BRINP3: variants seen among roughly 807,000 people sequenced by gnomAD.
The protein encoded by BRINP3 is BMP/retinoic acid-inducible neural-specific protein 3.
In BRINP3, 19 loss-of-function variants were observed where a neutral mutation model predicts 71.0. That is an observed-to-expected ratio of 0.27 (90% CI 0.19 to 0.39). The LOEUF (loss-of-function observed/expected upper bound fraction) is 0.39. Among genes scored for constraint, BRINP3 ranks in the 10% least tolerant of loss-of-function variants. The pLI is 1.00. For synonymous variants in BRINP3, 380 were observed against 337.7 expected, an observed-to-expected ratio of 1.13 and a Z score of -1.37; for missense variants, 959 against 940.8, an observed-to-expected ratio of 1.02 and a Z score of -0.25.
At chr1:190,237,938 A>G (rs890513291) in intron 4 of BRINP3, among the ~76,000 whole-genome samples, 4 of 152,052 alleles carry the variant, frequency 2.6e-5, no homozygotes, top group African/African-American at 9.7e-5. Context: ...CTGGACAACT[A>G]CAAAATGAAT....
At chr1:190,406,852 TA>T (rs1276543920) in intron 2 of BRINP3, among the ~76,000 whole-genome samples, 1 of 152,212 alleles carries the variant, frequency 6.6e-6, no homozygotes, top group African/African-American at 2.4e-5. Context: ...TCACTTCATT[TA>T]AAAGATTAAA....
At chr1:190,465,801 A>T (rs1180304090) in intron 1 of BRINP3, among the ~76,000 whole-genome samples, 2 of 151,826 alleles carry the variant, frequency 1.3e-5, no homozygotes, top group Non-Finnish European at 1.5e-5. Context: ...ATTATGAATA[A>T]TTTTTTTATT....
chr1:190,443,073 C>T (rs972956839), intron 2 of BRINP3, among the ~76,000 whole-genome samples: 3 of 151,224 alleles, frequency 2.0e-5, no homozygotes, highest in East Asian at 3.9e-4. Context: ...CCACTGCACC[C>T]GTCTACATTT....
rs146324186 is a variant in BRINP3 at position 190,280,179 on chromosome 1, G to A, written c.427+1381C>T. On this transcript the variant is annotated intron_variant, in intron 3 of 7. Coordinates refer to ENST00000367462, the MANE Select transcript of BRINP3 (RefSeq NM_199051.3). ...GGTTCACTGGGCACTATTGATGAAA[G>A]AGTAGTCAGGAAAAGGCCTCCCTGA... 5.4e-3 allele frequency among the ~76,000 whole-genome samples: 825 copies of A among 151,990 alleles called. 6 individuals carry two copies. Among genetic ancestry groups the A allele is most frequent in the African/African-American group, 0.018 (756 of 41,524 alleles).
chr1:190,436,296 G>A (rs1463945454), intron 2 of BRINP3, among the ~76,000 whole-genome samples: 1 of 151,858 alleles, frequency 6.6e-6, no homozygotes, highest in Non-Finnish European at 1.5e-5. Context: ...TTGTTGTTCT[G>A]TTCTGATTTT....
intron 2 of BRINP3, among the ~76,000 whole-genome samples, chr1:190,396,698 C>A (rs1052946693): frequency 1.0e-5 from 1 of 99,320 alleles, no homozygotes; most frequent in Non-Finnish European, 2.1e-5. Context: ...ACGCACTATG[C>A]ATTCCTAATT....
Position 190,097,805 on chromosome 1 carries a change from G to T in BRINP3, c.*213C>A. 2.0e-6 allele frequency: 1 copy of T among 510,972 alleles called. No individual in the cohort carries two copies. The allele number at this position is 510,972 out of a possible 1,614,324, so 31.7% of individuals were successfully genotyped here. ...AAAAAGTAGAATGTCTTCTAGACTG[G>T]TGTCAGTATTTATGTCATTCATAAA... is the stretch of plus-strand genomic sequence containing the variant. On this transcript the variant is annotated 3_prime_UTR_variant, in exon 8 of 8. Transcript: ENST00000367462.
intron 2 of BRINP3, among the ~76,000 whole-genome samples, chr1:190,444,347 G>A (rs1247615993): frequency 6.7e-6 from 1 of 149,594 alleles, no homozygotes; most frequent in Non-Finnish European, 1.5e-5. Context: ...GTGTACAAAG[G>A]CTGTTTCCCA....
rs769978151 is a variant in BRINP3, at chr1:190,160,759, G to C, written c.1093C>G (p.Leu365Val). 25 of 1,613,418 alleles carry C rather than the reference G, an allele frequency of 1.5e-5. No homozygotes were observed. The Admixed American group carries it at 4.2e-4, about 27-fold the overall frequency. The stretch of plus-strand genomic sequence containing the variant: ...ACAATTTTCTGCGCCTTTAGGAAAA[G>C]TTGTTTCATGCTGTTCTCCAGTTGT... ...YEQLENSMKQLFLKAQKIVHK... is the reference protein window; with the variant it reads ...YEQLENSMKQVFLKAQKIVHK... The change falls in exon 7 of 8, where the codon CTT (leucine) becomes GTT (valine). Residue 365 changes from leucine to valine, a missense_variant. By Grantham distance (32) the Leu-to-Val change is conservative (BLOSUM62 1). Transcript: ENST00000367462.
rs1294506536 is a variant in BRINP3 at position 190,098,858 on chromosome 1, G to A, written c.1461C>T (p.Gly487=). The A allele has an allele frequency of 6.2e-7, 1 of 1,614,216 alleles. No individual in the cohort carries two copies. The highest frequency in any genetic ancestry group is 1.7e-5 in the Admixed American group (1 of 60,024). The change falls in exon 8 of 8, where the codon GGC becomes GGT. Residue 487 remains glycine (G), a synonymous_variant. Coordinates refer to ENST00000367462, the MANE Select transcript of BRINP3 (RefSeq NM_199051.3). ...EVAESTDHYI[G]FETDLQDLEM... is the part of the protein sequence containing the mutation. ...CGAGATCTTGCAGGTCAGTTTCAAA[G>A]CCAATATAGTGATCGGTGGACTCGG...
intron 2 of BRINP3, among the ~76,000 whole-genome samples, chr1:190,419,696 C>CACACACAA (rs1673238564): frequency 6.6e-6 from 1 of 150,396 alleles, no homozygotes. Context: ...TTTATACACA[C>CACACACAA]ACACACACAC....
chr1:190,296,832 G>A (rs1167006344), intron 2 of BRINP3, among the ~76,000 whole-genome samples: 1 of 151,958 alleles, frequency 6.6e-6, no homozygotes, highest in Non-Finnish European at 1.5e-5. Flanking sequence ...AAAGGCTTAG[G>A]AGTAAATTTA....
At chr1:190,218,273 C>T (rs1656579649) in intron 6 of BRINP3, among the ~76,000 whole-genome samples, 1 of 151,934 alleles carries the variant, frequency 6.6e-6, no homozygotes, top group African/African-American at 2.4e-5. Context: ...TTGTTTTATA[C>T]TTAATATAAA....
At chr1:190,458,703 G>A (rs1212863755) in intron 1 of BRINP3, among the ~76,000 whole-genome samples, 1 of 151,886 alleles carries the variant, frequency 6.6e-6, no homozygotes, top group Non-Finnish European at 1.5e-5. Context: ...CAAGTGAGGT[G>A]AACAGCTAAA....
chr1:190,442,684 A>T (rs1200747106), intron 2 of BRINP3, among the ~76,000 whole-genome samples: 1 of 151,156 alleles, frequency 6.6e-6, no homozygotes, highest in African/African-American at 2.4e-5. Context: ...GTGTGTGTGT[A>T]TTTTCTTCAA....
In BRINP3 at chr1:190,264,885, T is replaced by C. The variant is rs778544870; in HGVS notation, c.598A>G (p.Ile200Val). ...CTTACCTTTATGGCAGTGGATGCAA[T>C]TTGAATGTGGTGAAGTCTCCGAAGG... Reference protein sequence around the residue: ...STLRRLHHIQIASTAIKVTET... With the variant: ...STLRRLHHIQVASTAIKVTET... Residue 200 changes from isoleucine (I) to valine (V), a missense_variant, in exon 4 of 8, where the codon ATT becomes GTT. Transcript: ENST00000367462. The C allele has an allele frequency of 8.7e-6, 14 of 1,613,272 alleles. No individual in the cohort carries two copies. The highest frequency in any genetic ancestry group is 2.2e-5 in the East Asian group (1 of 44,732).
intron 7 of BRINP3, among the ~76,000 whole-genome samples, chr1:190,149,733 A>C (rs1397974529): frequency 6.6e-6 from 1 of 151,428 alleles, no homozygotes; most frequent in Non-Finnish European, 1.5e-5. Flanking sequence ...TTTATGGCTA[A>C]CTTTCCTGCT....
chr1:190,368,291 C>A (rs929329651), intron 2 of BRINP3, among the ~76,000 whole-genome samples: 1 of 151,942 alleles, frequency 6.6e-6, no homozygotes, highest in Non-Finnish European at 1.5e-5. Flanking sequence ...CTTATAAAAT[C>A]ATCAAATCTC....
At chr1:190,216,635 T>C (rs889307421) in intron 6 of BRINP3, among the ~76,000 whole-genome samples, 1 of 151,874 alleles carries the variant, frequency 6.6e-6, no homozygotes, top group Non-Finnish European at 1.5e-5. Flanking sequence ...TATAATCAAA[T>C]ATAAAATGGC....
Sources: allele counts gnomAD v4.1 joint callset (sites outside exome capture counted in the v4.1 genomes callset), GRCh38; gene constraint gnomAD v4.1.1; transcripts MANE v1.5; gene names NCBI Gene and HGNC (gene_info 2026-07-23, HGNC 2026-07-21).